MACROD2: variants seen among roughly 807,000 people sequenced by gnomAD.
MACROD2 encodes ADP-ribose glycohydrolase MACROD2.
A neutral mutation model predicts 70.4 loss-of-function variants in MACROD2; 36 were observed. The ratio of observed to expected loss-of-function variants is 0.51; its 90% confidence interval spans 0.39 to 0.68. The LOEUF is 0.68. Among genes scored for constraint, MACROD2 ranks in the 30% least tolerant of loss-of-function variants. The pLI, the probability that MACROD2 is intolerant of heterozygous loss-of-function variation, is 0.00. For synonymous variants in MACROD2, 172 were observed against 178.8 expected (o/e 0.96, Z 0.30); for missense variants, 496 against 538.4 (o/e 0.92, Z 0.78).
At position 14,326,762 on chromosome 20, in the gene MACROD2, G is replaced by A. The variant is rs6135120; in HGVS notation, c.272-166717G>A. ...TTATCTTGAAGATAAAGCTTCCTCA[G>A]GTTTGTGCCTGGAAGGTTTACTGGT... On this transcript the variant is annotated intron_variant, in intron 3 of 17. Coordinates refer to ENST00000684519, the MANE Select transcript of MACROD2 (RefSeq NM_001351661.2). This position sits in a 1 kb window ranked among gnomAD's most constrained non-coding sequence, Gnocchi z 5.5. The A allele has an allele frequency of 3.1e-6, 5 of 1,613,828 alleles. No homozygotes were observed. In the East Asian group the frequency reaches 6.7e-5, roughly 22 times the overall value.
chr20:14,132,371 T>G (rs752176284), intron 3 of MACROD2, among the ~76,000 whole-genome samples: 1 of 152,052 alleles, frequency 6.6e-6, no homozygotes. Flanking sequence ...TGACAGCCTT[T>G]GAATTTTAAG....
chr20:14,480,974 G>A (rs2084657072), intron 3 of MACROD2, among the ~76,000 whole-genome samples: 1 of 151,920 alleles, frequency 6.6e-6, no homozygotes. Flanking sequence ...GACTTATTTA[G>A]GAAAGAAAAA....
At chr20:14,789,561 C>T (rs530670222) in intron 5 of MACROD2, among the ~76,000 whole-genome samples, 29 of 142,880 alleles carry the variant, frequency 2.0e-4, no homozygotes, top group African/African-American at 4.9e-4. Context: ...CTGCAACCTC[C>T]GCCTCCCAGG....
chr20:15,688,564 T>C (rs1202642107), intron 8 of MACROD2, among the ~76,000 whole-genome samples: 1 of 152,234 alleles, frequency 6.6e-6, no homozygotes, highest in Non-Finnish European at 1.5e-5. Context: ...GGCTTCAATA[T>C]GTGAAGAATA....
chr20:15,054,966 T>TTTTTA (rs2075472421), intron 5 of MACROD2, among the ~76,000 whole-genome samples: 4 of 149,646 alleles, frequency 2.7e-5, no homozygotes, highest in Non-Finnish European at 5.9e-5. Flanking sequence ...TTTTTTTTTT[T>TTTTTA]GAGATGGAGT....
chr20:15,137,992 T>TAAACTAAAATATA (rs2076163518), intron 5 of MACROD2, among the ~76,000 whole-genome samples: 1 of 152,170 alleles, frequency 6.6e-6, no homozygotes, highest in Non-Finnish European at 1.5e-5. Context: ...TTATTTTTAG[T>TAAACTAAAATATA]TTACTTCCAT....
chr20:15,258,449 T>C (rs1208817184), intron 6 of MACROD2, among the ~76,000 whole-genome samples: 3 of 152,134 alleles, frequency 2.0e-5, no homozygotes, highest in Non-Finnish European at 4.4e-5. Flanking sequence ...GTATCTTTTC[T>C]ATGTTTAGAT....
intron 5 of MACROD2, among the ~76,000 whole-genome samples, chr20:15,099,217 C>T (rs763844429): frequency 7.9e-5 from 12 of 152,050 alleles, no homozygotes; most frequent in African/African-American, 1.7e-4. Flanking sequence ...AATGAATATT[C>T]GTGTGTCCTC....
intron 5 of MACROD2, among the ~76,000 whole-genome samples, chr20:14,943,466 T>A (rs2122713089): frequency 6.6e-6 from 1 of 152,180 alleles, no homozygotes; most frequent in Non-Finnish European, 1.5e-5. Flanking sequence ...TATTTTTACT[T>A]TAAAGTTTAT....
At chr20:15,876,111 A>ATATG (rs1555789655) in intron 9 of MACROD2, among the ~76,000 whole-genome samples, 2 of 138,818 alleles carry the variant, frequency 1.4e-5, no homozygotes, top group African/African-American at 5.8e-5. Context: ...ATATATATAT[A>ATATG]TGTGTGTATT....
intron 4 of MACROD2, among the ~76,000 whole-genome samples, chr20:14,656,768 C>A (rs1231430743): frequency 6.6e-6 from 1 of 152,100 alleles, no homozygotes; most frequent in Non-Finnish European, 1.5e-5. Context: ...ATATTGTGGT[C>A]ATCAGGATAT....
chr20:15,877,748 A>G (rs2147194382), intron 9 of MACROD2, among the ~76,000 whole-genome samples: 1 of 152,260 alleles, frequency 6.6e-6, no homozygotes, highest in South Asian at 2.1e-4. Flanking sequence ...TGTTCCTAGA[A>G]GCTTTTGGTA....
At chr20:14,510,402 C>T (rs1420510627) in intron 4 of MACROD2, among the ~76,000 whole-genome samples, 1 of 151,902 alleles carries the variant, frequency 6.6e-6, no homozygotes, top group African/African-American at 2.4e-5. Flanking sequence ...TCCTAAGTTA[C>T]CAAAGTGAAA....
chr20:15,042,154 C>A (rs1195630625), intron 5 of MACROD2, among the ~76,000 whole-genome samples: 1 of 152,060 alleles, frequency 6.6e-6, no homozygotes, highest in Non-Finnish European at 1.5e-5. Flanking sequence ...ATAAATTATC[C>A]TATGACAAAT....
At chr20:15,260,527 G>C (rs969096431) in intron 6 of MACROD2, among the ~76,000 whole-genome samples, 2 of 151,818 alleles carry the variant, frequency 1.3e-5, no homozygotes, top group African/African-American at 4.8e-5. Flanking sequence ...TTATTCAACT[G>C]TTAAAAGACA....
intron 4 of MACROD2, among the ~76,000 whole-genome samples, chr20:14,666,789 A>G (rs1224754820): frequency 6.6e-6 from 1 of 151,820 alleles, no homozygotes; most frequent in Non-Finnish European, 1.5e-5. Context: ...TTCTTTAAAA[A>G]CTGTAGCTGT....
At chr20:15,908,187 G>A (rs1344107711) in intron 10 of MACROD2, among the ~76,000 whole-genome samples, 1 of 152,120 alleles carries the variant, frequency 6.6e-6, no homozygotes, top group Non-Finnish European at 1.5e-5. Flanking sequence ...GAGAAGGCAT[G>A]CGCTAGACCA....
chr20:14,842,779 G>A (rs753288967), intron 5 of MACROD2, among the ~76,000 whole-genome samples: 2 of 152,060 alleles, frequency 1.3e-5, no homozygotes, highest in Non-Finnish European at 2.9e-5. Context: ...GAAATCAGTA[G>A]CACTTGAAAT....
chr20:15,590,548 G>A (rs931500359), intron 8 of MACROD2, among the ~76,000 whole-genome samples: 9 of 152,158 alleles, frequency 5.9e-5, no homozygotes, highest in Non-Finnish European at 1.2e-4. Context: ...CAGTCAACAT[G>A]AATTTCTAGT....
Sources: allele counts gnomAD v4.1 joint callset (sites outside exome capture counted in the v4.1 genomes callset), GRCh38; gene constraint gnomAD v4.1.1; non-coding constraint Gnocchi (gnomAD v3.1); transcripts MANE v1.5; gene names NCBI Gene and HGNC (gene_info 2026-07-23, HGNC 2026-07-21).